Variants in RBFOX1 observed in about 807,000 individuals in gnomAD.
RBFOX1 encodes RNA binding fox-1 homolog 1, also known as RNA binding protein fox-1 homolog 1.
A neutral mutation model predicts 57.7 loss-of-function variants in RBFOX1; 8 were observed. The ratio of observed to expected loss-of-function variants is 0.14; its 90% CI spans 0.08 to 0.25. The LOEUF is 0.25. Ranked by LOEUF, RBFOX1 falls within the 10% of genes least tolerant of loss-of-function variation. The pLI is 1.00. For missense variants in RBFOX1, 611 were observed against 548.5 expected (o/e 1.11, Z -1.14); for synonymous variants, 326 against 222.4 (o/e 1.47, Z -4.15).
At chr16:6,791,750 G>C (rs1345652267) in intron 3 of RBFOX1, among the ~76,000 whole-genome samples, 4 of 152,140 alleles carry the variant, frequency 2.6e-5, no homozygotes, top group South Asian at 4.1e-4. Context: ...GAAAGAGTGA[G>C]AGTCTGTCTC....
rs538309589 is a variant in RBFOX1 at position 7,350,720 on chromosome 16, C to T, written c.28-167427C>T. ...TGCCATTTCTTTGATCTTCATTGAC[C>T]GGAGAATTCTGCCCTAAAAAGAGGG... On this transcript the variant is annotated intron_variant, in intron 4 of 15. Transcript: ENST00000550418. 6.6e-5 allele frequency among the ~76,000 whole-genome samples: 10 copies of T among 152,132 alleles called. No individual in the cohort carries two copies. In the East Asian group the frequency reaches 7.7e-4, roughly 12 times the overall value.
chr16:6,040,740 A>C (rs894800568), intron 1 of RBFOX1, among the ~76,000 whole-genome samples: 1 of 151,946 alleles, frequency 6.6e-6, no homozygotes, highest in Non-Finnish European at 1.5e-5. Context: ...GATTACAGGC[A>C]CCCACCACCA....
chr16:5,598,454 G>C (rs1376612593), intron 2 of RBFOX1, among the ~76,000 whole-genome samples: 1 of 151,778 alleles, frequency 6.6e-6, no homozygotes, highest in Non-Finnish European at 1.5e-5. Context: ...AAAAAGAAAC[G>C]GATGAGATTA....
intron 2 of RBFOX1, among the ~76,000 whole-genome samples, chr16:6,404,993 A>C (rs1052335727): frequency 7.2e-5 from 11 of 152,178 alleles, no homozygotes; most frequent in African/African-American, 2.7e-4. Context: ...ACTTCGAACT[A>C]ATTCTAGATA....
intron 4 of RBFOX1, among the ~76,000 whole-genome samples, chr16:7,361,065 T>C (rs993666575): frequency 3.3e-5 from 5 of 152,184 alleles, no homozygotes; most frequent in African/African-American, 1.2e-4. Context: ...GTTTGTAAAC[T>C]CTGCCTGCTG....
chr16:6,154,429 C>G (rs1016798188), intron 1 of RBFOX1, among the ~76,000 whole-genome samples: 3 of 152,136 alleles, frequency 2.0e-5, no homozygotes, highest in Admixed American at 6.6e-5. Flanking sequence ...ATAACTATGA[C>G]GTAGGCAGGG....
At chr16:5,332,961 G>A (rs1010568503) in intron 1 of RBFOX1, among the ~76,000 whole-genome samples, 1 of 152,068 alleles carries the variant, frequency 6.6e-6, no homozygotes, top group African/African-American at 2.4e-5. Context: ...CAAGGTGGGC[G>A]GATCACCTGA....
chr16:6,803,091 C>T (rs1267313261), intron 3 of RBFOX1, among the ~76,000 whole-genome samples: 5 of 152,150 alleles, frequency 3.3e-5, no homozygotes, highest in Non-Finnish European at 1.5e-5. Context: ...ATTTCCCCAT[C>T]ACCCACTCTG....
chr16:5,587,286 C>G (rs2046864355), intron 2 of RBFOX1, among the ~76,000 whole-genome samples: 1 of 152,188 alleles, frequency 6.6e-6, no homozygotes, highest in South Asian at 2.1e-4. Flanking sequence ...AATAGACATT[C>G]CTCCAAAGAA....
chr16:6,025,029 T>C (rs561029378), intron 1 of RBFOX1, among the ~76,000 whole-genome samples: 104 of 152,328 alleles, frequency 6.8e-4, no homozygotes, highest in Admixed American at 2.4e-3. Flanking sequence ...CTATAGGCCC[T>C]TGTGGCCTGG....
At chr16:6,065,244 C>CGGCTG (rs1253005844) in intron 1 of RBFOX1, among the ~76,000 whole-genome samples, 1 of 149,058 alleles carries the variant, frequency 6.7e-6, no homozygotes, top group African/African-American at 2.5e-5. Context: ...TGTGTTGCCA[C>CGGCTG]GGCTGGTCTC....
chr16:5,440,915 C>T (rs1207810291), intron 1 of RBFOX1, among the ~76,000 whole-genome samples: 1 of 152,180 alleles, frequency 6.6e-6, no homozygotes, highest in East Asian at 1.9e-4. Context: ...AGGTCACGCA[C>T]CTGGTTAGAA....
At chr16:7,450,080 A>G (rs1019557274) in intron 4 of RBFOX1, among the ~76,000 whole-genome samples, 2 of 151,872 alleles carry the variant, frequency 1.3e-5, no homozygotes, top group Admixed American at 6.6e-5. Flanking sequence ...AAAAGAAGGA[A>G]CTCAATCTAA....
chr16:7,212,781 T>C (rs1011795800), intron 4 of RBFOX1, among the ~76,000 whole-genome samples: 1 of 152,190 alleles, frequency 6.6e-6, no homozygotes, highest in African/African-American at 2.4e-5. Flanking sequence ...GGCACATGTA[T>C]ACCTATGTAA....
At chr16:5,565,188 A>T (rs1286474190) in intron 2 of RBFOX1, among the ~76,000 whole-genome samples, 1 of 152,170 alleles carries the variant, frequency 6.6e-6, no homozygotes, top group Non-Finnish European at 1.5e-5. Context: ...TTCAGAACTA[A>T]TAAGGTGCCT....
At chr16:6,445,642 G>C (rs775576611) in intron 2 of RBFOX1, among the ~76,000 whole-genome samples, 33 of 150,014 alleles carry the variant, frequency 2.2e-4, no homozygotes, top group Non-Finnish European at 4.0e-4. Flanking sequence ...GCATGCAGTG[G>C]GACAATCTGG....
At chr16:7,526,272 C>A (rs1423443507) in intron 5 of RBFOX1, among the ~76,000 whole-genome samples, 1 of 152,192 alleles carries the variant, frequency 6.6e-6, no homozygotes, top group Non-Finnish European at 1.5e-5. Flanking sequence ...ATTTTGGGGA[C>A]TGCTGCCCTA....
chr16:6,474,536 C>G (rs1209299888), intron 2 of RBFOX1, among the ~76,000 whole-genome samples: 7 of 152,140 alleles, frequency 4.6e-5, no homozygotes, highest in African/African-American at 2.4e-5. Context: ...GTTAAATAAG[C>G]TTAGATTTAA....
At chr16:6,401,335 T>C (rs1567197373) in intron 2 of RBFOX1, among the ~76,000 whole-genome samples, 1 of 152,210 alleles carries the variant, frequency 6.6e-6, no homozygotes, top group Non-Finnish European at 1.5e-5. Flanking sequence ...TGTACACTGA[T>C]ATAAATAAAT....
Sources: gnomAD v4.1 joint callset for allele counts (sites outside exome capture counted in the v4.1 genomes callset) on GRCh38, gnomAD v4.1.1 for gene constraint, MANE v1.5 for transcripts, NCBI Gene and HGNC (gene_info 2026-07-23, HGNC 2026-07-21) for gene names.